TLK1: variants seen among roughly 807,000 people sequenced by gnomAD.
TLK1 encodes serine/threonine-protein kinase tousled-like 1.
TLK1 carries 24 observed loss-of-function variants against 105.3 expected under a neutral mutation model. That is an observed-to-expected ratio of 0.23 (90% confidence interval 0.17 to 0.32). The LOEUF (loss-of-function observed/expected upper bound fraction) is 0.32. Ranked by LOEUF, TLK1 falls within the 10% of genes least tolerant of loss-of-function variation. The probability of loss-of-function intolerance (pLI) is 1.00; values close to 1 mark genes in which losing one functional copy is unlikely to be tolerated. For missense variants in TLK1, 558 were observed against 910.5 expected (o/e 0.61, Z 4.98); for synonymous variants, 321 against 310.4 (o/e 1.03, Z -0.36).
chr2:171,137,031 A>C (rs917201684), intron 1 of TLK1, among the ~76,000 whole-genome samples: 1 of 152,198 alleles, frequency 6.6e-6, no homozygotes, highest in East Asian at 1.9e-4. Context: ...AACTCTTTTA[A>C]AACAGTTTAG....
intron 3 of TLK1, among the ~76,000 whole-genome samples, chr2:171,074,166 C>T (rs1054570346): frequency 2.6e-5 from 4 of 152,160 alleles, no homozygotes; most frequent in Non-Finnish European, 5.9e-5. Context: ...GCTGGGATTA[C>T]AGGCATGAGC....
chr2:171,185,378 C>A (rs1463893889), intron 1 of TLK1, among the ~76,000 whole-genome samples: 1 of 152,004 alleles, frequency 6.6e-6, no homozygotes, highest in African/African-American at 2.4e-5. Context: ...TCATGGCTAC[C>A]CTTCATCTTC....
intron 1 of TLK1, among the ~76,000 whole-genome samples, chr2:171,213,787 A>G (rs1293413646): frequency 6.9e-6 from 1 of 144,314 alleles, no homozygotes; most frequent in Non-Finnish European, 1.5e-5. Context: ...CTATGGCATG[A>G]TCATGGCTCA....
chr2:171,011,188 A>T (rs1684898955), intron 14 of TLK1, among the ~76,000 whole-genome samples, 185 bp downstream of exon 14: 1 of 151,832 alleles, frequency 6.6e-6, no homozygotes, highest in African/African-American at 2.4e-5. Context: ...TTAAGTAGAG[A>T]CAAGGTCTCA....
intron 8 of TLK1, among the ~76,000 whole-genome samples, 187 bp from the exon 9 acceptor site, chr2:171,050,361 G>A: frequency 6.6e-6 from 1 of 151,272 alleles, no homozygotes; most frequent in Non-Finnish European, 1.5e-5. Context: ...ACTTAAGTGT[G>A]TAGTGGAAAG....
At chr2:171,010,212 TTATAA>T (rs1243950939) in intron 14 of TLK1, among the ~76,000 whole-genome samples, 1 of 152,056 alleles carries the variant, frequency 6.6e-6, no homozygotes, top group Non-Finnish European at 1.5e-5. Flanking sequence ...AACTAGGGGC[TTATAA>T]TATGTGAGGG....
chr2:171,226,220 A>G (rs1030400969), intron 1 of TLK1, among the ~76,000 whole-genome samples: 1 of 152,218 alleles, frequency 6.6e-6, no homozygotes, highest in Non-Finnish European at 1.5e-5. Context: ...AATCTAACCT[A>G]TTCTGACTGT....
chr2:171,043,931 T>C (rs1474093158), intron 11 of TLK1, among the ~76,000 whole-genome samples: 1 of 152,220 alleles, frequency 6.6e-6, no homozygotes, highest in East Asian at 1.9e-4. Context: ...ACCTGGCTTT[T>C]GGTTTTTTCT....
intron 1 of TLK1, among the ~76,000 whole-genome samples, chr2:171,138,179 G>A (rs2105571244): frequency 6.6e-6 from 1 of 152,238 alleles, no homozygotes; most frequent in South Asian, 2.1e-4. Context: ...TAAAATGTTT[G>A]CTTATATCAA....
chr2:171,122,830 G>A (rs1358302222), intron 1 of TLK1, among the ~76,000 whole-genome samples: 2 of 151,994 alleles, frequency 1.3e-5, no homozygotes, highest in Non-Finnish European at 2.9e-5. Flanking sequence ...CTTAAGGTCA[G>A]GAGTTCAAGA....
At chr2:170,995,586 A>G (rs1684017465) in intron 20 of TLK1, among the ~76,000 whole-genome samples, 1 of 152,232 alleles carries the variant, frequency 6.6e-6, no homozygotes. Flanking sequence ...TCTGTTCTCA[A>G]TGAGGCTACA....
chr2:171,083,751 G>A (rs1249017910), intron 2 of TLK1, among the ~76,000 whole-genome samples: 1 of 152,122 alleles, frequency 6.6e-6, no homozygotes, highest in African/African-American at 2.4e-5. Context: ...AATTTCCAAA[G>A]TGACAACTCT....
chr2:171,111,053 C>T (rs1690137012), intron 2 of TLK1, among the ~76,000 whole-genome samples: 1 of 150,426 alleles, frequency 6.6e-6, no homozygotes, highest in South Asian at 2.1e-4. Flanking sequence ...GAAATCACTG[C>T]GGAAAAGGGA....
intron 1 of TLK1, among the ~76,000 whole-genome samples, chr2:171,178,149 T>G (rs553332021): frequency 2.6e-4 from 40 of 152,324 alleles, no homozygotes; most frequent in Admixed American, 6.5e-4. Context: ...AGTGTTTAAA[T>G]GCATTATCTA....
At chr2:171,198,135 TA>T (rs1329677268) in intron 1 of TLK1, among the ~76,000 whole-genome samples, 5 of 152,030 alleles carry the variant, frequency 3.3e-5, no homozygotes, top group African/African-American at 9.7e-5. Context: ...AAGCATTTAC[TA>T]AGGAAAGTAT....
At chr2:171,037,259 T>C (rs1184493575) in intron 11 of TLK1, among the ~76,000 whole-genome samples, 3 of 151,928 alleles carry the variant, frequency 2.0e-5, no homozygotes, top group African/African-American at 7.3e-5. Context: ...CTGACCAACA[T>C]GGAGAAACCC....
intron 3 of TLK1, among the ~76,000 whole-genome samples, chr2:171,067,218 G>A (rs901023666): frequency 2.0e-5 from 3 of 147,554 alleles, no homozygotes; most frequent in African/African-American, 7.5e-5. Flanking sequence ...GGAGTGCAGT[G>A]ACACGATCTC....
At chr2:171,162,623 T>C (rs1378849610), upstream of TLK1, among the ~76,000 whole-genome samples, 1 of 152,202 alleles carries the variant, frequency 6.6e-6, no homozygotes, top group African/African-American at 2.4e-5. Flanking sequence ...ACAAGGAAGA[T>C]GGTGAATGTA....
At chr2:171,157,581 TTTTA>T (rs1692288647) in intron 1 of TLK1, among the ~76,000 whole-genome samples, 1 of 152,346 alleles carries the variant, frequency 6.6e-6, no homozygotes, top group African/African-American at 2.4e-5. Context: ...TAGAGCTGTA[TTTTA>T]TTTGTGATAA....
Sources: gnomAD v4.1 joint callset for allele counts (sites outside exome capture counted in the v4.1 genomes callset) on GRCh38, gnomAD v4.1.1 for gene constraint, MANE v1.5 for transcripts, NCBI Gene and HGNC (gene_info 2026-07-23, HGNC 2026-07-21) for gene names.